Variants in PCDHA2 observed in about 807,000 individuals in gnomAD.
PCDHA2 encodes the protein protocadherin alpha 2, also known as protocadherin alpha-2.
Under a neutral mutation model 66.0 loss-of-function variants are expected in PCDHA2, and 58 were observed. That is an observed-to-expected ratio of 0.88 (90% CI 0.71 to 1.09). The LOEUF is 1.09. PCDHA2 is among the 50% of genes least tolerant of loss of function. The pLI, the probability that PCDHA2 is intolerant of heterozygous loss-of-function variation, is 0.00. For synonymous variants in PCDHA2, 634 were observed against 554.0 expected, an observed-to-expected ratio of 1.14 and a Z score of -2.03; for missense variants, 1,267 against 1,242.3, an observed-to-expected ratio of 1.02 and a Z score of -0.30.
chr5:140,882,475 AAGAC>A (rs2059154037), intron 1 of PCDHA2: 1 of 1,613,902 alleles, frequency 6.2e-7, no homozygotes, highest in Non-Finnish European at 8.5e-7. Flanking sequence ...TGGCGTCCAA[AAGAC>A]ACGGGGACCT....
intron 1 of PCDHA2, chr5:140,842,724 A>G (rs2150343018): frequency 6.3e-7 from 1 of 1,594,394 alleles, no homozygotes; most frequent in Admixed American, 1.7e-5. Flanking sequence ...AAGGAGAACA[A>G]CCCGCCGGGC....
At chr5:140,953,948 C>A (rs1012464637) in intron 1 of PCDHA2, among the ~76,000 whole-genome samples, 2 of 152,092 alleles carry the variant, frequency 1.3e-5, no homozygotes, top group Non-Finnish European at 2.9e-5. Context: ...CATTGCTCCC[C>A]CAACAGGCCC....
At chr5:140,802,467 G>T in intron 1 of PCDHA2, 1 of 1,614,224 alleles carries the variant, frequency 6.2e-7, no homozygotes, top group Non-Finnish European at 8.5e-7. Flanking sequence ...CTATGAGCTG[G>T]TGGTGACTGC....
At chr5:140,836,368 C>G (rs183521691) in intron 1 of PCDHA2, 2 of 1,613,746 alleles carry the variant, frequency 1.2e-6, no homozygotes, top group African/African-American at 1.3e-5. Flanking sequence ...CTGACAGCCA[C>G]AGCCACCGTG....
intron 1 of PCDHA2, among the ~76,000 whole-genome samples, chr5:140,938,890 C>T (rs979482011): frequency 5.9e-5 from 9 of 152,080 alleles, no homozygotes; most frequent in Non-Finnish European, 8.8e-5. Flanking sequence ...CACACACACA[C>T]AGATGCGCAC....
rs782628181 is a variant in PCDHA2, at chr5:140,850,474, C to G, written c.2388+53122C>G. 1.3e-6 allele frequency: 2 copies of G among 1,597,756 alleles called. 1 individual carries two copies. The highest frequency in any genetic ancestry group is 1.7e-6 in the Non-Finnish European group (2 of 1,167,580). On this transcript the variant is annotated intron_variant, in intron 1 of 3. Coordinates refer to ENST00000526136, the MANE Select transcript of PCDHA2 (RefSeq NM_018905.3). ...AAAGACCACGGGGAGCCAGCGCTGA[C>G]GGCCACGGCCACTGTGCTGGTGTCG...
Position 140,972,810 on chromosome 5 carries a change from C to T in PCDHA2, c.2389-6139C>T, listed in dbSNP as rs546110006. 7.2e-5 allele frequency among the ~76,000 whole-genome samples: 11 copies of T among 151,984 alleles called. No homozygotes were observed. In the East Asian group the frequency reaches 9.7e-4, roughly 13 times the overall value. On this transcript the variant is annotated intron_variant, in intron 1 of 3. Transcript: ENST00000526136. ...TCCTGAGTAGCTGAGATTACAGGCA[C>T]GCGCCACCACGCCTGGCTAATTTTT...
At chr5:140,932,113 T>G (rs2088043197) in intron 1 of PCDHA2, among the ~76,000 whole-genome samples, 1 of 151,918 alleles carries the variant, frequency 6.6e-6, no homozygotes, top group South Asian at 2.1e-4. Flanking sequence ...TATTTCCAAT[T>G]GATAATATTT....
intron 1 of PCDHA2, chr5:140,815,761 G>A (rs1765789123): frequency 6.6e-6 from 1 of 152,074 alleles, no homozygotes; most frequent in Non-Finnish European, 1.5e-5. Context: ...TTCTTGTAAG[G>A]CAAGTCTAAT....
At position 140,858,141 on chromosome 5, in the gene PCDHA2, T is replaced by C. The variant is rs1247420166; in HGVS notation, c.2388+60789T>C. 4 of 1,597,496 alleles carry C rather than the reference T, an allele frequency of 2.5e-6. No individual in the cohort carries two copies. The African/African-American group carries it at 5.4e-5, about 21-fold the overall frequency. ...GCCCTGGTGGATGTCAACGTGTACC[T>C]GATCATCGCCATCTGCGCGGTGTCC... On this transcript the variant is annotated intron_variant, in intron 1 of 3. Transcript: ENST00000526136.
At chr5:140,964,567 A>G (rs2095840776) in intron 1 of PCDHA2, among the ~76,000 whole-genome samples, 1 of 152,080 alleles carries the variant, frequency 6.6e-6, no homozygotes. Context: ...GGCTGGGAGG[A>G]GATAAGGGGA....
At chr5:140,985,532 G>T (rs1358120172) in intron 3 of PCDHA2, among the ~76,000 whole-genome samples, 1 of 152,072 alleles carries the variant, frequency 6.6e-6, no homozygotes, top group Non-Finnish European at 1.5e-5. Context: ...AAAGCTTCAC[G>T]GTGAAGATGC....
intron 1 of PCDHA2, among the ~76,000 whole-genome samples, chr5:140,827,290 C>T (rs190258137): frequency 6.6e-6 from 1 of 152,284 alleles, no homozygotes; most frequent in African/African-American, 2.4e-5. Flanking sequence ...GAATCAAAAA[C>T]AGCAAAGCAC....
At chr5:140,982,022 G>T (rs2096962811) in intron 2 of PCDHA2, among the ~76,000 whole-genome samples, 1 of 152,168 alleles carries the variant, frequency 6.6e-6, no homozygotes, top group African/African-American at 2.4e-5. Context: ...AGCCAAATTG[G>T]AACAATACTC....
intron 3 of PCDHA2, among the ~76,000 whole-genome samples, chr5:140,999,659 G>A (rs1208907437): frequency 6.6e-6 from 1 of 152,162 alleles, no homozygotes; most frequent in African/African-American, 2.4e-5. Context: ...GAGCCCTGCT[G>A]GGTTGCGGGG....
At chr5:140,817,507 A>C (rs1766149098) in intron 1 of PCDHA2, 1 of 152,214 alleles carries the variant, frequency 6.6e-6, no homozygotes, top group Non-Finnish European at 1.5e-5. Context: ...GCTTTTACAA[A>C]TTATTTTATT....
intron 1 of PCDHA2, among the ~76,000 whole-genome samples, chr5:140,938,013 A>G (rs1310661606): frequency 6.6e-6 from 1 of 152,220 alleles, no homozygotes; most frequent in Non-Finnish European, 1.5e-5. Flanking sequence ...TTCTTGCTAA[A>G]TAGTAAAATC....
At position 140,857,364 on chromosome 5, in the gene PCDHA2, G is replaced by A. The variant is rs1464300143; in HGVS notation, c.2388+60012G>A. The A allele has an allele frequency of 2.5e-6, 4 of 1,598,296 alleles. No individual in the cohort carries two copies. In the East Asian group the frequency reaches 8.9e-5, roughly 36 times the overall value. On this transcript the variant is annotated intron_variant, in intron 1 of 3. Coordinates refer to ENST00000526136, the MANE Select transcript of PCDHA2 (RefSeq NM_018905.3). ...TCGCCTCCGCTGTGGGCCACGGCCA[G>A]CGTGTCTGTGGAGGTGGCCGACGTG...
At chr5:140,869,868 T>A (rs782375084) in intron 1 of PCDHA2, 2 of 1,610,492 alleles carry the variant, frequency 1.2e-6, no homozygotes, top group African/African-American at 2.7e-5. Context: ...TGGAAAATGC[T>A]GCTAAAGAAA....
Sources: allele counts gnomAD v4.1 joint callset (sites outside exome capture counted in the v4.1 genomes callset), GRCh38; gene constraint gnomAD v4.1.1; transcripts MANE v1.5; gene names NCBI Gene and HGNC (gene_info 2026-07-23, HGNC 2026-07-21).